Variants in GMPR observed in about 807,000 individuals in gnomAD.
The protein encoded by GMPR is guanosine monophosphate reductase.
Under a neutral mutation model 38.4 loss-of-function variants are expected in GMPR, and 31 were observed. The observed-to-expected ratio is 0.81, with a 90% CI of 0.61 to 1.09. The LOEUF is 1.09. Among genes scored for constraint, GMPR ranks in the 50% least tolerant of loss-of-function variants. The pLI is 0.00. For missense variants in GMPR, 468 were observed against 453.7 expected (o/e 1.03, Z -0.29); for synonymous variants, 162 against 173.3 (o/e 0.93, Z 0.51).
rs187902853 is a variant in GMPR, at chr6:16,248,830, T to G, written c.208-1454T>G. Among the ~76,000 whole-genome samples the G allele has an allele frequency of 2.3e-3, 355 of 152,338 alleles. 2 individuals carry two copies. Among genetic ancestry groups the G allele is most frequent in the African/African-American group, 7.8e-3 (326 of 41,586 alleles). ...CCAGGGAGCAGTCAAGTCTGATTAA[T>G]TCACATAATAGATTATAGTCCAGGA... On this transcript the variant is annotated intron_variant, in intron 2 of 8. Coordinates refer to ENST00000259727, the MANE Select transcript of GMPR (RefSeq NM_006877.4).
intron 4 of GMPR, among the ~76,000 whole-genome samples, chr6:16,267,017 G>A (rs572071748): frequency 1.2e-4 from 18 of 151,714 alleles, no homozygotes; most frequent in African/African-American, 3.9e-4. Context: ...CCACCTTTAA[G>A]AGCTGTAACA....
At chr6:16,284,536 G>A (rs1198649965) in intron 6 of GMPR, among the ~76,000 whole-genome samples, 4 of 152,206 alleles carry the variant, frequency 2.6e-5, no homozygotes. Context: ...GCTTTGGGCT[G>A]TGTCACTGTC....
chr6:16,285,097 T>C (rs1314605142), intron 6 of GMPR, among the ~76,000 whole-genome samples: 2 of 148,784 alleles, frequency 1.3e-5, no homozygotes, highest in Admixed American at 1.3e-4. Context: ...AGACTTGTAC[T>C]GTGTAGCTGG....
intron 3 of GMPR, among the ~76,000 whole-genome samples, chr6:16,251,865 A>C (rs1274328226): frequency 6.6e-6 from 1 of 152,174 alleles, no homozygotes; most frequent in Non-Finnish European, 1.5e-5. Flanking sequence ...ATTAAAAAAA[A>C]ACAACAGAAA....
Position 16,246,884 on chromosome 6 carries a change from AC to A in GMPR, c.132del (p.Tyr45ThrfsTer22). 6.2e-7 allele frequency: 1 copy of A among 1,613,470 alleles called. No individual in the cohort carries two copies. Among genetic ancestry groups the A allele is most frequent in the Non-Finnish European group, 8.5e-7 (1 of 1,179,552 alleles). ...CTTCACGTTTCGAAATTCAAAGCAGACCTACTCAGGGATTCCCATCATCGTG... is the reference window on the plus strand; with the variant it reads ...CTTCACGTTTCGAAATTCAAAGCAGACTACTCAGGGATTCCCATCATCGTG... ...RTFTFRNSKQ[T>X]YSGIPIIVAN... On this transcript the variant is annotated frameshift_variant, in exon 2 of 9. Transcript: ENST00000259727. LOFTEE classifies it high-confidence loss of function.
At chr6:16,285,017 C>CAAAAAAAAAAAAAAAAAA (rs1230598044) in intron 6 of GMPR, among the ~76,000 whole-genome samples, 1 of 35,100 alleles carries the variant, frequency 2.8e-5, no homozygotes, top group Non-Finnish European at 5.7e-5. Flanking sequence ...GAGACTGTCT[C>CAAAAAAAAAAAAAAAAAA]AAAAAAAAAA....
In GMPR at chr6:16,285,852, G is replaced by A. The variant is rs1308271623; in HGVS notation, c.697+17G>A. ...AAGCCTTTGGTAAGGCCGGGCCCTG[G>A]TGCAGAGGGAGGGAAGGAAGGAAGG... On this transcript the variant is annotated intron_variant, in intron 7 of 8. Transcript: ENST00000259727. The A allele has an allele frequency of 6.2e-7, 1 of 1,601,328 alleles. No homozygotes were observed. The highest frequency in any genetic ancestry group is 1.7e-5 in the Admixed American group (1 of 58,792).
intron 4 of GMPR, among the ~76,000 whole-genome samples, chr6:16,256,263 C>T (rs1758972738): frequency 1.3e-5 from 2 of 149,958 alleles, no homozygotes; most frequent in South Asian, 2.1e-4. Flanking sequence ...TGCCTGTAAT[C>T]CCAGCACTTT....
chr6:16,238,923 C>T, intron 1 of GMPR, 143 bp downstream of exon 1: 3 of 366,742 alleles, frequency 8.2e-6, no homozygotes, highest in African/African-American at 6.5e-5. Context: ...TTCCCGCGCC[C>T]CAGCACCTGC....
At chr6:16,241,645 G>A (rs550601922) in intron 1 of GMPR, among the ~76,000 whole-genome samples, 38 of 152,318 alleles carry the variant, frequency 2.5e-4, no homozygotes, top group South Asian at 4.1e-4. Context: ...CATCTGTTAC[G>A]CTGGGGAGCC....
At chr6:16,270,730 T>C (rs559387682) in intron 4 of GMPR, among the ~76,000 whole-genome samples, 4 of 152,258 alleles carry the variant, frequency 2.6e-5, no homozygotes, top group Non-Finnish European at 5.9e-5. Context: ...CTGTCCCTCA[T>C]GGTTGAGGCA....
intron 4 of GMPR, among the ~76,000 whole-genome samples, chr6:16,273,151 T>G (rs1002594855): frequency 6.6e-6 from 1 of 152,226 alleles, no homozygotes; most frequent in African/African-American, 2.4e-5. Context: ...GGATTAAAGC[T>G]TTAAGCCCTC....
intron 1 of GMPR, among the ~76,000 whole-genome samples, chr6:16,245,150 A>G (rs75018215): frequency 0.076 from 11,574 of 152,194 alleles, 804 homozygotes; most frequent in African/African-American, 0.17. Context: ...TCAGAATGTC[A>G]CTATAAACGT....
chr6:16,250,318 C>T lies in GMPR; in HGVS notation c.242C>T (p.Ser81Phe). 1 of 1,610,380 alleles carries T rather than the reference C, an allele frequency of 6.2e-7. No homozygotes were observed. Among genetic ancestry groups the T allele is most frequent in the Non-Finnish European group, 8.5e-7 (1 of 1,176,548 alleles). The change falls in exon 3 of 9, where the codon TCC (serine) becomes TTC (phenylalanine). Residue 81 changes from serine (S) to phenylalanine (F), a missense_variant. Transcript: ENST00000259727. ...TTTACAGCAATTCATAAGCATTACT[C>T]CCTGGATGACTGGAAGCTCTTTGCC... ...SMFTAIHKHY[S>F]LDDWKLFATN...
rs187884150 is a variant in GMPR, at chr6:16,266,868, G to A, written c.466-7547G>A. ...TCACTCCTGAAGTCAGCGAGACCAC[G>A]AACCGTCCGGGAGGAACGAACAACT... On this transcript the variant is annotated intron_variant, in intron 4 of 8. Coordinates refer to ENST00000259727, the MANE Select transcript of GMPR (RefSeq NM_006877.4). 4.8e-4 allele frequency among the ~76,000 whole-genome samples: 72 copies of A among 151,544 alleles called. 1 individual carries two copies. Among genetic ancestry groups the A allele is most frequent in the African/African-American group, 1.5e-3 (62 of 41,274 alleles).
chr6:16,278,904 C>CG lies in GMPR; in HGVS notation c.654+18dup. The CG allele has an allele frequency of 6.5e-7, 1 of 1,549,184 alleles. No homozygotes were observed. Among genetic ancestry groups the CG allele is most frequent in the Non-Finnish European group, 8.9e-7 (1 of 1,123,996 alleles). Reference sequence around the variant, plus strand: ...CACATCATCTCTGTGAGTCTCCACCCGGGGCTGAGGCTGGGGTGTCTTGGG... The same window carrying CG: ...CACATCATCTCTGTGAGTCTCCACCCGGGGGCTGAGGCTGGGGTGTCTTGGG... On this transcript the variant is annotated intron_variant, in intron 6 of 8. Transcript: ENST00000259727.
intron 3 of GMPR, 47 bp downstream of exon 3, chr6:16,250,414 C>T (rs1758848945): frequency 4.8e-6 from 5 of 1,035,188 alleles, no homozygotes. Context: ...CAGGGGGGAA[C>T]AAAATCTTCA....
intron 1 of GMPR, among the ~76,000 whole-genome samples, chr6:16,244,923 C>G (rs1044149746): frequency 6.6e-6 from 1 of 152,126 alleles, no homozygotes; most frequent in African/African-American, 2.4e-5. Context: ...ATGAAGAGCT[C>G]TGTGTTTTGT....
At chr6:16,270,751 ACTTTGGGTTTTTCCAGACAGTAG>A (rs2113690991) in intron 4 of GMPR, among the ~76,000 whole-genome samples, 1 of 152,264 alleles carries the variant, frequency 6.6e-6, no homozygotes, top group African/African-American at 2.4e-5. Context: ...TTTCATAATC[ACTTTGGGTTTTTCCAGACAGTAG>A]CAGTGACCAC....
Sources: gnomAD v4.1 joint callset for allele counts (sites outside exome capture counted in the v4.1 genomes callset) on GRCh38, gnomAD v4.1.1 for gene constraint, MANE v1.5 for transcripts, NCBI Gene and HGNC (gene_info 2026-07-23, HGNC 2026-07-21) for gene names.